MYO16: variants seen among roughly 807,000 people sequenced by gnomAD.
MYO16 encodes myosin XVI.
In MYO16, 94 loss-of-function variants were observed where a neutral mutation model predicts 205.3. The ratio of observed to expected loss-of-function variants is 0.46; its 90% confidence interval spans 0.39 to 0.54. MYO16 has a LOEUF of 0.54. Among genes scored for constraint, MYO16 ranks in the 20% least tolerant of loss-of-function variants. The probability of loss-of-function intolerance (pLI) is 0.00; values close to 1 mark genes in which losing one functional copy is unlikely to be tolerated. For synonymous variants in MYO16, 988 were observed against 954.0 expected (o/e 1.04, Z -0.66); for missense variants, 2,315 against 2,387.5 (o/e 0.97, Z 0.63).
At position 108,759,549 on chromosome 13, in the gene MYO16, T is replaced by C. The variant is rs181996053; in HGVS notation, c.508-26086T>C. On this transcript the variant is annotated intron_variant, in intron 4 of 34. Coordinates refer to ENST00000457511, the MANE Select transcript of MYO16 (RefSeq NM_001198950.3). ...ATAAAGAACATATTTGGGCCGGGCGTGGTGGCTCACGCCTGTAATCCCAGC... is the reference window on the plus strand; with the variant it reads ...ATAAAGAACATATTTGGGCCGGGCGCGGTGGCTCACGCCTGTAATCCCAGC... Among the ~76,000 whole-genome samples the C allele has an allele frequency of 4.2e-3, 646 of 152,250 alleles. 2 individuals are homozygous for C. The highest frequency in any genetic ancestry group is 4.4e-3 in the Non-Finnish European group (300 of 68,008).
chr13:109,078,035 C>G (rs561699502), intron 27 of MYO16, among the ~76,000 whole-genome samples: 2 of 152,046 alleles, frequency 1.3e-5, no homozygotes, highest in Non-Finnish European at 2.9e-5. Flanking sequence ...ATCTTTTCTT[C>G]TGCAGTGTTT....
intron 31 of MYO16, among the ~76,000 whole-genome samples, chr13:109,139,306 A>C (rs892208870): frequency 6.6e-6 from 1 of 152,216 alleles, no homozygotes; most frequent in Non-Finnish European, 1.5e-5. Flanking sequence ...GTAAGCTTTC[A>C]TATGCCACTA....
chr13:108,728,378 A>T (rs10492418), intron 4 of MYO16, among the ~76,000 whole-genome samples: 1 of 151,906 alleles, frequency 6.6e-6, no homozygotes, highest in Non-Finnish European at 1.5e-5. Flanking sequence ...CATTGTCAGA[A>T]GTCCATTTTT....
chr13:108,547,691 G>A, the MYO16 span, among the ~76,000 whole-genome samples: 3 of 152,222 alleles, frequency 2.0e-5, no homozygotes, highest in Non-Finnish European at 4.4e-5. Context: ...AATAAAAATG[G>A]TGGATGAGAT....
chr13:109,154,201 A>G (rs1245719879), intron 32 of MYO16, among the ~76,000 whole-genome samples: 4 of 152,326 alleles, frequency 2.6e-5, no homozygotes, highest in African/African-American at 7.2e-5. Context: ...GCTATGCTTC[A>G]GCTGGTGTCC....
At chr13:108,926,547 A>G (rs1313140369) in intron 16 of MYO16, among the ~76,000 whole-genome samples, 4 of 152,190 alleles carry the variant, frequency 2.6e-5, no homozygotes, top group Non-Finnish European at 5.9e-5. Context: ...GGAGCCAGCC[A>G]GAGAGAAACG....
the MYO16 span, among the ~76,000 whole-genome samples, chr13:108,545,921 T>A: frequency 1.3e-5 from 2 of 152,280 alleles, no homozygotes; most frequent in East Asian, 3.9e-4. Flanking sequence ...ATAGTTTCTG[T>A]GAGGACCACA....
In MYO16 at chr13:109,046,934, G is replaced by C; in HGVS notation, c.2815G>C (p.Gly939Arg). The C allele has an allele frequency of 6.2e-7, 1 of 1,609,942 alleles. No individual in the cohort carries two copies. Among genetic ancestry groups the C allele is most frequent in the Non-Finnish European group, 8.5e-7 (1 of 1,176,588 alleles). ...ATTCTAGGTAATGTATGATGTTGTT[G>C]GGGCGATTGAAAAAAATAAAGACTC... ...YAGRVMYDVV[G>R]AIEKNKDSLS... Residue 939 changes from glycine (G) to arginine (R), a missense_variant, in exon 24 of 35, where the codon GGG becomes CGG. Coordinates refer to ENST00000457511, the MANE Select transcript of MYO16 (RefSeq NM_001198950.3).
chr13:109,152,862 G>C (rs1390567236), intron 32 of MYO16, among the ~76,000 whole-genome samples: 1 of 152,096 alleles, frequency 6.6e-6, no homozygotes, highest in Non-Finnish European at 1.5e-5. Context: ...ATTTCAAAAA[G>C]GTTTCGGAAA....
At position 108,910,041 on chromosome 13, in the gene MYO16, G is replaced by C; in HGVS notation, c.1816G>C (p.Val606Leu). The C allele has an allele frequency of 6.2e-7, 1 of 1,613,430 alleles. No homozygotes were observed. The highest frequency in any genetic ancestry group is 8.5e-7 in the Non-Finnish European group (1 of 1,179,674). The change falls in exon 16 of 35, where the codon GTT becomes CTT. Residue 606 changes from valine to leucine, a missense_variant. This residue lies in a region of MYO16 where 1,213 missense variants were observed against 1,274.4 expected (regional missense o/e 0.95). Transcript: ENST00000457511. ...ATATTTGCTAGAGAAATCCAGACTTGTTTCACAACCTCTTGGCCAGAGCAA... is the reference window on the plus strand; with the variant it reads ...ATATTTGCTAGAGAAATCCAGACTTCTTTCACAACCTCTTGGCCAGAGCAA... Reference protein sequence around the residue: ...YTYLLEKSRLVSQPLGQSNFL... With the variant: ...YTYLLEKSRLLSQPLGQSNFL...
At chr13:108,624,052 A>T (rs527842460) in intron 1 of MYO16, among the ~76,000 whole-genome samples, 1 of 152,206 alleles carries the variant, frequency 6.6e-6, no homozygotes, top group Non-Finnish European at 1.5e-5. Flanking sequence ...TAAGAGCATG[A>T]TTCAACTAAA....
At chr13:108,959,449 A>G (rs991509083) in intron 17 of MYO16, among the ~76,000 whole-genome samples, 8 of 152,228 alleles carry the variant, frequency 5.3e-5, no homozygotes, top group Non-Finnish European at 1.0e-4. Flanking sequence ...CCTCAAAGGC[A>G]GGGCAAGCAA....
At chr13:108,562,899 G>A in the MYO16 span, among the ~76,000 whole-genome samples, 3,086 of 152,092 alleles carry the variant, frequency 0.02, 66 homozygotes, top group South Asian at 0.087. Context: ...CATTGTTAAC[G>A]GACTGTGTTT....
At chr13:108,697,133 T>C (rs1883123750) in intron 2 of MYO16, among the ~76,000 whole-genome samples, 1 of 152,178 alleles carries the variant, frequency 6.6e-6, no homozygotes, top group Non-Finnish European at 1.5e-5. Flanking sequence ...CTATACTCAG[T>C]GTTGTGTCTG....
chr13:108,642,196 C>G (rs945923001), intron 1 of MYO16, among the ~76,000 whole-genome samples: 1 of 152,122 alleles, frequency 6.6e-6, no homozygotes, highest in African/African-American at 2.4e-5. Context: ...TGCAGTCACC[C>G]AACTATACAA....
intron 4 of MYO16, among the ~76,000 whole-genome samples, chr13:108,749,172 A>G (rs181734514): frequency 6.6e-6 from 1 of 151,842 alleles, no homozygotes; most frequent in Non-Finnish European, 1.5e-5. Flanking sequence ...TGCAGTGAGA[A>G]CACTGAAAAT....
chr13:109,120,575 A>T, intron 29 of MYO16, 109 bp downstream of exon 29: 1 of 663,120 alleles, frequency 1.5e-6, no homozygotes, highest in South Asian at 2.8e-5. Flanking sequence ...CTAGTGGACC[A>T]CTCTCTCGAT....
At chr13:108,829,727 T>C (rs905063329) in intron 9 of MYO16, among the ~76,000 whole-genome samples, 8 of 152,150 alleles carry the variant, frequency 5.3e-5, no homozygotes, top group Non-Finnish European at 1.0e-4. Flanking sequence ...CAAGTGACTC[T>C]TGGGGAGGAG....
At chr13:108,981,713 C>T (rs1248977356) in intron 20 of MYO16, among the ~76,000 whole-genome samples, 5 of 152,194 alleles carry the variant, frequency 3.3e-5, no homozygotes, top group African/African-American at 4.8e-5. Flanking sequence ...GTGACACACA[C>T]GATTATGAAC....
Sources: gnomAD v4.1 joint callset for allele counts (sites outside exome capture counted in the v4.1 genomes callset) on GRCh38, gnomAD v4.1.1 for gene constraint, gnomAD v4.1.1 regional missense constraint, MANE v1.5 for transcripts, NCBI Gene and HGNC (gene_info 2026-07-23, HGNC 2026-07-21) for gene names.